TAF4: variants seen among roughly 807,000 people sequenced by gnomAD.
The protein encoded by TAF4 is TATA-box binding protein associated factor 4.
Under a neutral mutation model 90.3 loss-of-function variants are expected in TAF4, and 9 were observed. That is an observed-to-expected ratio of 0.10 (90% CI 0.06 to 0.17). The LOEUF is 0.17. Ranked by LOEUF, TAF4 falls within the 10% of genes least tolerant of loss-of-function variation. The probability of loss-of-function intolerance (pLI) is 1.00; values close to 1 mark genes in which losing one functional copy is unlikely to be tolerated. For synonymous variants in TAF4, 818 were observed against 638.9 expected, an observed-to-expected ratio of 1.28 and a Z score of -4.23; for missense variants, 1,351 against 1,370.7, an observed-to-expected ratio of 0.99 and a Z score of 0.23.
intron 1 of TAF4, among the ~76,000 whole-genome samples, chr20:62,049,973 C>G (rs1051556305): frequency 1.3e-5 from 2 of 152,154 alleles, no homozygotes; most frequent in Admixed American, 6.6e-5. Context: ...CACACAGCAG[C>G]CCCACGGAGC....
chr20:61,997,979 C>T (rs937673166), intron 13 of TAF4, among the ~76,000 whole-genome samples, 157 bp downstream of exon 13: 2 of 152,212 alleles, frequency 1.3e-5, no homozygotes, highest in Non-Finnish European at 2.9e-5. Context: ...CAGGAAAATA[C>T]CTCTGATGTT....
At chr20:61,992,008 C>CA (rs2123112417) in intron 14 of TAF4, among the ~76,000 whole-genome samples, 1 of 152,196 alleles carries the variant, frequency 6.6e-6, no homozygotes, top group East Asian at 1.9e-4. Flanking sequence ...CAACGTGAGC[C>CA]AAAAAACAGA....
intron 1 of TAF4, among the ~76,000 whole-genome samples, chr20:62,042,977 G>T (rs1412804061): frequency 6.6e-6 from 1 of 152,130 alleles, no homozygotes; most frequent in Non-Finnish European, 1.5e-5. Context: ...ACGTGTGCTT[G>T]TGTCTTGTTT....
chr20:62,022,877 T>C (rs1291814014), intron 1 of TAF4, among the ~76,000 whole-genome samples: 4 of 143,032 alleles, frequency 2.8e-5, no homozygotes, highest in African/African-American at 1.0e-4. Context: ...CCCCCGCACA[T>C]TGCAGATACT....
At chr20:62,024,761 T>G (rs768391127) in intron 1 of TAF4, among the ~76,000 whole-genome samples, 20 of 151,972 alleles carry the variant, frequency 1.3e-4, no homozygotes, top group Admixed American at 1.3e-3. Context: ...TCCTAGCTAC[T>G]TGGGAGGCTG....
intron 2 of TAF4, among the ~76,000 whole-genome samples, chr20:62,014,047 TG>T (rs2055798604): frequency 2.0e-5 from 2 of 101,992 alleles, no homozygotes; most frequent in East Asian, 1.3e-3. Flanking sequence ...TGTGTGTGTA[TG>T]TGTGTGTGTG....
intron 1 of TAF4, among the ~76,000 whole-genome samples, chr20:62,059,748 T>C (rs146300414): frequency 2.4e-4 from 37 of 152,354 alleles, no homozygotes; most frequent in African/African-American, 8.2e-4. Context: ...AGGTTCCTAC[T>C]GAGCACCATG....
rs1217655784 is a variant in TAF4 at position 62,012,832 on chromosome 20, G to A, written c.1624C>T (p.Arg542Cys). 6.2e-7 allele frequency: 1 copy of A among 1,612,932 alleles called. No homozygotes were observed. Among genetic ancestry groups the A allele is most frequent in the Non-Finnish European group, 8.5e-7 (1 of 1,179,676 alleles). ...CCTCTCACCTGGACGCCGGGCGAGC[G>A]CTGCAGGGTTGCACTGGGCTGCACC... Reference protein sequence around the residue: ...TTVQPSATLQRSPGVQPQLVL... With the variant: ...TTVQPSATLQCSPGVQPQLVL... Residue 542 changes from arginine (R) to cysteine (C), a missense_variant, in exon 3 of 15, where the codon CGC becomes TGC. Coordinates refer to ENST00000252996, the MANE Select transcript of TAF4 (RefSeq NM_003185.4).
At position 62,003,702 on chromosome 20, in the gene TAF4, G is replaced by C. The variant is rs370147901; in HGVS notation, c.2371+29C>G. The C allele has an allele frequency of 5.8e-6, 9 of 1,551,050 alleles. No homozygotes were observed. The East Asian group carries it at 1.9e-4, about 33-fold the overall frequency. ...GGCTCTGGGAGCAGCCCTTGGTGTT[G>C]AGCGGCCAGGGGCCCGCGAGGCCCT... On this transcript the variant is annotated intron_variant, in intron 8 of 14. Transcript: ENST00000252996.
intron 11 of TAF4, 132 bp from the exon 12 acceptor site, chr20:61,999,240 T>A: frequency 8.5e-7 from 1 of 1,174,162 alleles, no homozygotes; most frequent in Non-Finnish European, 1.2e-6. Flanking sequence ...GAGGACCCGA[T>A]CCCTCCCACC....
chr20:62,055,566 A>G lies in TAF4; in HGVS notation c.1360+8885T>C, dbSNP rs919362491. Among the ~76,000 whole-genome samples, 31 of 152,204 alleles carry G rather than the reference A, an allele frequency of 2.0e-4. 1 individual carries two copies. Among genetic ancestry groups the G allele is most frequent in the Admixed American group, 2.0e-3 (31 of 15,286 alleles). On this transcript the variant is annotated intron_variant, in intron 1 of 14. Coordinates refer to ENST00000252996, the MANE Select transcript of TAF4 (RefSeq NM_003185.4). ...TACTTGGGGGCAGCCCTGTGATACA[A>G]TCAATTCACACTGTGTACAGGCAGC... is the stretch of plus-strand genomic sequence containing the variant.
rs376934897 is a variant in TAF4 at position 62,064,441 on chromosome 20, G to A, written c.1360+10C>T. 9.4e-6 allele frequency: 13 copies of A among 1,377,842 alleles called. No individual in the cohort carries two copies. Among genetic ancestry groups the A allele is most frequent in the Non-Finnish European group, 1.1e-5 (12 of 1,057,808 alleles). The allele number at this position is 1,377,842 out of a possible 1,614,324, so 85.4% of individuals were successfully genotyped here. On this transcript the variant is annotated intron_variant, in intron 1 of 14. Coordinates refer to ENST00000252996, the MANE Select transcript of TAF4 (RefSeq NM_003185.4). ...GCCGCCCTTCCCTCCCGCCCCGTGC[G>A]GCCACTCACCTGGGGGCAGCTGGAA...
At chr20:62,042,867 C>T (rs900862152) in intron 1 of TAF4, among the ~76,000 whole-genome samples, 2 of 146,024 alleles carry the variant, frequency 1.4e-5, no homozygotes, top group Admixed American at 1.4e-4. Context: ...ATAGGGATGA[C>T]GGCTCCATGT....
At chr20:61,986,801 A>T (rs1406613259) in intron 14 of TAF4, among the ~76,000 whole-genome samples, 1 of 152,288 alleles carries the variant, frequency 6.6e-6, no homozygotes. Context: ...ATGAATTAAC[A>T]AGTGGGAAAA....
intron 2 of TAF4, among the ~76,000 whole-genome samples, chr20:62,014,243 G>C (rs1463985284): frequency 6.6e-6 from 1 of 152,126 alleles, no homozygotes; most frequent in African/African-American, 2.4e-5. Flanking sequence ...CACAGGGAGA[G>C]AAGGGAAGGG....
rs56801841 is a variant in TAF4, at chr20:62,013,906, GGTGTGTGTGTGTGTGT to G, written c.1521+625_1521+640del. ...AGCTTCGGCCCTGAAGGCTGACGCG[GGTGTGTGTGTGTGTGT>G]GTGTGTGTGTGTGTGTGTGTGTGTG... On this transcript the variant is annotated intron_variant, in intron 2 of 14. Coordinates refer to ENST00000252996, the MANE Select transcript of TAF4 (RefSeq NM_003185.4). Among the ~76,000 whole-genome samples, 892 of 107,414 alleles carry G rather than the reference GGTGTGTGTGTGTGTGT, an allele frequency of 8.3e-3. 2 individuals are homozygous for G. Among genetic ancestry groups the G allele is most frequent in the South Asian group, 0.018 (55 of 2,986 alleles). The allele number at this position is 107,414 out of a possible 152,430, so 70.5% of individuals were successfully genotyped here.
chr20:62,009,578 G>T (rs2055766455), intron 4 of TAF4, among the ~76,000 whole-genome samples: 1 of 152,238 alleles, frequency 6.6e-6, no homozygotes, highest in Non-Finnish European at 1.5e-5. Flanking sequence ...ACACCAAAAA[G>T]GCGTCAAGTG....
At chr20:61,989,334 T>C (rs1283566640) in intron 14 of TAF4, among the ~76,000 whole-genome samples, 1 of 151,980 alleles carries the variant, frequency 6.6e-6, no homozygotes, top group East Asian at 1.9e-4. Context: ...GCAGGGAAAG[T>C]GCACGTGGCA....
intron 14 of TAF4, among the ~76,000 whole-genome samples, chr20:61,986,905 A>G (rs1415714639): frequency 6.6e-6 from 1 of 152,288 alleles, no homozygotes; most frequent in Non-Finnish European, 1.5e-5. Flanking sequence ...ACGCCACAGC[A>G]GCCTCCACTG....
Sources: gnomAD v4.1 joint callset for allele counts (sites outside exome capture counted in the v4.1 genomes callset) on GRCh38, gnomAD v4.1.1 for gene constraint, MANE v1.5 for transcripts, NCBI Gene and HGNC (gene_info 2026-07-23, HGNC 2026-07-21) for gene names.